CA8: variants seen among roughly 807,000 people sequenced by gnomAD.
The protein encoded by CA8 is carbonic anhydrase-related protein.
CA8 carries 22 observed loss-of-function variants against 41.4 expected under a neutral mutation model. The ratio of observed to expected loss-of-function variants is 0.53; its 90% CI spans 0.38 to 0.76. The LOEUF (loss-of-function observed/expected upper bound fraction) is 0.76. CA8 is among the 30% of genes least tolerant of loss of function. CA8 has a pLI of 0.00. For synonymous variants in CA8, 121 were observed against 130.6 expected (o/e 0.93, Z 0.50); for missense variants, 270 against 352.8 (o/e 0.77, Z 1.88).
chr8:60,190,432 A>AATATATATAT (rs57878452), intron 8 of CA8, among the ~76,000 whole-genome samples: 85 of 99,334 alleles, frequency 8.6e-4, no homozygotes, highest in Non-Finnish European at 1.3e-3. Flanking sequence ...ATAAATGCAG[A>AATATATATAT]ATATATATAT....
At position 60,269,967 on chromosome 8, in the gene CA8, G is replaced by C. The variant is rs889280626; in HGVS notation, c.293-3918C>G. 5.8e-4 allele frequency among the ~76,000 whole-genome samples: 89 copies of C among 152,320 alleles called. 1 individual carries two copies. The highest frequency in any genetic ancestry group is 2.1e-3 in the African/African-American group (89 of 41,566). On this transcript the variant is annotated intron_variant, in intron 2 of 8. Transcript: ENST00000317995. The stretch of plus-strand genomic sequence containing the variant: ...CAGCTGAGTCTTGAATAAGCTGAGA[G>C]GTGAAAAGTGCATGGAGAGTAGAGC...
intron 4 of CA8, among the ~76,000 whole-genome samples, chr8:60,231,190 T>C (rs1807635184): frequency 6.6e-6 from 1 of 152,216 alleles, no homozygotes. Context: ...GATTTCTTTC[T>C]AGTTATATAA....
rs144904543 is a variant in CA8 at position 60,258,762 on chromosome 8, A to G, written c.417+7163T>C. Among the ~76,000 whole-genome samples the G allele has an allele frequency of 7.4e-3, 1,120 of 152,256 alleles. 16 individuals are homozygous for G. The highest frequency in any genetic ancestry group is 0.025 in the African/African-American group (1,056 of 41,534). On this transcript the variant is annotated intron_variant, in intron 3 of 8. Transcript: ENST00000317995. ...AATTCTCATCAGGAGTGTGCAACGT[A>G]GATCCCTCACATGCGCAGTTCACAA...
At chr8:60,223,988 T>TAAC (rs1434921850) in intron 6 of CA8, among the ~76,000 whole-genome samples, 1 of 152,196 alleles carries the variant, frequency 6.6e-6, no homozygotes, top group Non-Finnish European at 1.5e-5. Flanking sequence ...TGCAGAGAGG[T>TAAC]AACCTTATAA....
At chr8:60,276,690 C>T (rs746052573) in intron 2 of CA8, among the ~76,000 whole-genome samples, 4 of 152,078 alleles carry the variant, frequency 2.6e-5, no homozygotes, top group Admixed American at 6.6e-5. Flanking sequence ...ACTAAAAGCC[C>T]GGACTCCACC....
intron 3 of CA8, among the ~76,000 whole-genome samples, chr8:60,234,237 G>A (rs1056261947): frequency 2.0e-5 from 3 of 152,074 alleles, no homozygotes; most frequent in African/African-American, 7.2e-5. Context: ...TCCTCAAAAC[G>A]GTCAAGGTCA....
intron 4 of CA8, 134 bp downstream of exon 4, chr8:60,232,150 C>T (rs1386200974): frequency 1.7e-5 from 12 of 702,046 alleles, no homozygotes; most frequent in Non-Finnish European, 2.8e-5. Context: ...ATCAAGTTTT[C>T]TGTTTTTATC....
rs1806004573 is a variant in CA8, at chr8:60,187,769, A to G, written c.*2252T>C. ...TTGTTGCCTTATTAAATTGTTTCAT[A>G]AACAAAATGCACCCTAAATTAAATT... On this transcript the variant is annotated 3_prime_UTR_variant, in exon 9 of 9. Coordinates refer to ENST00000317995, the MANE Select transcript of CA8 (RefSeq NM_004056.6). 6.6e-6 allele frequency: 1 copy of G among 152,190 alleles called. No individual in the cohort carries two copies. Among genetic ancestry groups the G allele is most frequent in the African/African-American group, 2.4e-5 (1 of 41,464 alleles). The allele number at this position is 152,190 out of a possible 1,614,324, so 9.4% of individuals were successfully genotyped here. A position where few individuals can be genotyped will look rare whatever the true frequency, so the allele number is the denominator to read the frequency against.
intron 3 of CA8, among the ~76,000 whole-genome samples, chr8:60,256,882 G>T (rs1297266550): frequency 1.3e-5 from 2 of 152,050 alleles, no homozygotes; most frequent in Non-Finnish European, 2.9e-5. Context: ...CAGGGAAGAA[G>T]TTTTAAAGAA....
intron 8 of CA8, among the ~76,000 whole-genome samples, chr8:60,202,513 T>G (rs1806463903): frequency 6.6e-6 from 1 of 152,190 alleles, no homozygotes; most frequent in Non-Finnish European, 1.5e-5. Context: ...TACTGGAGGG[T>G]TTCCATGAAG....
chr8:60,192,200 G>GA (rs1806151291), intron 8 of CA8, among the ~76,000 whole-genome samples: 1 of 132,836 alleles, frequency 7.5e-6, no homozygotes, highest in African/African-American at 3.2e-5. Context: ...CAGATTAACT[G>GA]AAAAAATGTT....
chr8:60,238,959 GGGA>G (rs747048015), intron 3 of CA8, among the ~76,000 whole-genome samples: 2 of 152,138 alleles, frequency 1.3e-5, no homozygotes, highest in Non-Finnish European at 2.9e-5. Context: ...AAAGGGTGCA[GGGA>G]GGAGGGGAGA....
chr8:60,281,325 C>T lies in CA8; in HGVS notation c.-178G>A, dbSNP rs181727135. On this transcript the variant is annotated 5_prime_UTR_variant, in exon 1 of 9. Transcript: ENST00000317995. Reference sequence around the variant, plus strand: ...GTGTGAGTGCAAGCAGGCGTGCGTTCGGACCGAGTGTTCCAGAGACCCGCG... The same window carrying T: ...GTGTGAGTGCAAGCAGGCGTGCGTTTGGACCGAGTGTTCCAGAGACCCGCG... 2.6e-4 allele frequency: 159 copies of T among 605,882 alleles called. 1 individual carries two copies. In the African/African-American group the frequency reaches 2.7e-3, roughly 10 times the overall value. The allele number at this position is 605,882 out of a possible 1,614,324, so 37.5% of individuals were successfully genotyped here.
intron 8 of CA8, among the ~76,000 whole-genome samples, chr8:60,205,165 T>A (rs1806539069): frequency 6.6e-6 from 1 of 152,158 alleles, no homozygotes; most frequent in South Asian, 2.1e-4. Flanking sequence ...TTGTTTCTTT[T>A]TTAACGTATT....
intron 2 of CA8, among the ~76,000 whole-genome samples, chr8:60,267,302 T>A: frequency 6.6e-6 from 1 of 151,788 alleles, no homozygotes; most frequent in Non-Finnish European, 1.5e-5. Flanking sequence ...ACAATGGAGG[T>A]CATGGAGTCC....
At chr8:60,227,794 CCTT>C (rs901333223) in intron 4 of CA8, among the ~76,000 whole-genome samples, 8 of 152,124 alleles carry the variant, frequency 5.3e-5, no homozygotes, top group African/African-American at 1.9e-4. Flanking sequence ...CTTTTTATAG[CCTT>C]CTTTTTAAAA....
rs1192480095 is a variant in CA8, at chr8:60,188,325, T to G, written c.*1696A>C. 2.6e-5 allele frequency: 4 copies of G among 152,188 alleles called. No individual in the cohort carries two copies. The highest frequency in any genetic ancestry group is 7.2e-5 in the African/African-American group (3 of 41,444). The allele number at this position is 152,188 out of a possible 1,614,324, so 9.4% of individuals were successfully genotyped here. A position where few individuals can be genotyped will look rare whatever the true frequency, so the allele number is the denominator to read the frequency against. ...ATTGCAAGAAGCATCAGAAGTCTAGTTCAAGAACAATCCCTGACTGTTCAG... is the reference window on the plus strand; with the variant it reads ...ATTGCAAGAAGCATCAGAAGTCTAGGTCAAGAACAATCCCTGACTGTTCAG... On this transcript the variant is annotated 3_prime_UTR_variant, in exon 9 of 9. Coordinates refer to ENST00000317995, the MANE Select transcript of CA8 (RefSeq NM_004056.6).
chr8:60,210,158 T>G (rs940831831), intron 7 of CA8, among the ~76,000 whole-genome samples: 1 of 152,224 alleles, frequency 6.6e-6, no homozygotes, highest in African/African-American at 2.4e-5. Flanking sequence ...CTACCTGCTC[T>G]TTTCTCAGCT....
chr8:60,228,994 C>G (rs73245610), intron 4 of CA8, among the ~76,000 whole-genome samples: 2,416 of 152,212 alleles, frequency 0.016, 75 homozygotes, highest in African/African-American at 0.056. Flanking sequence ...CTGCTAAAAC[C>G]GTGCAAGCAG....
Sources: allele counts gnomAD v4.1 joint callset (sites outside exome capture counted in the v4.1 genomes callset), GRCh38; gene constraint gnomAD v4.1.1; transcripts MANE v1.5; gene names NCBI Gene and HGNC (gene_info 2026-07-23, HGNC 2026-07-21).